RPS6KA2: variants seen among roughly 807,000 people sequenced by gnomAD.
RPS6KA2 encodes ribosomal protein S6 kinase A2.
In RPS6KA2, 42 loss-of-function variants were observed where a neutral mutation model predicts 91.8. That is an observed-to-expected ratio of 0.46 (90% CI 0.36 to 0.59). The LOEUF is 0.59. RPS6KA2 is among the 20% of genes least tolerant of loss of function. The pLI is 0.00. For missense variants in RPS6KA2, 798 were observed against 978.5 expected, an observed-to-expected ratio of 0.82 and a Z score of 2.46; for synonymous variants, 414 against 393.6, an observed-to-expected ratio of 1.05 and a Z score of -0.61.
At chr6:166,829,450 G>A (rs1780123994) in intron 2 of RPS6KA2, among the ~76,000 whole-genome samples, 1 of 151,962 alleles carries the variant, frequency 6.6e-6, no homozygotes, top group African/African-American at 2.4e-5. Flanking sequence ...AATTAGCCGG[G>A]TATGGTGGCG....
intron 10 of RPS6KA2, among the ~76,000 whole-genome samples, chr6:166,487,859 T>G (rs1481760413): frequency 6.6e-6 from 1 of 152,168 alleles, no homozygotes; most frequent in Non-Finnish European, 1.5e-5. Context: ...GACTGTGGAG[T>G]AGGAAGGTAC....
intron 2 of RPS6KA2, among the ~76,000 whole-genome samples, chr6:166,741,050 A>C (rs1437968062): frequency 6.6e-6 from 1 of 152,272 alleles, no homozygotes; most frequent in African/African-American, 2.4e-5. Flanking sequence ...CCAGATGAGG[A>C]GGTAATGCAG....
At chr6:166,778,002 C>T (rs1387488925) in intron 2 of RPS6KA2, among the ~76,000 whole-genome samples, 1 of 152,166 alleles carries the variant, frequency 6.6e-6, no homozygotes, top group East Asian at 1.9e-4. Flanking sequence ...CAAAGTCAAT[C>T]TGTAAATTTA....
chr6:166,522,209 T>C lies in RPS6KA2; in HGVS notation c.298+9023A>G, dbSNP rs189213949. Among the ~76,000 whole-genome samples the C allele has an allele frequency of 1.0e-3, 152 of 152,388 alleles. 1 individual carries two copies. Among genetic ancestry groups the C allele is most frequent in the South Asian group, 2.1e-3 (10 of 4,824 alleles). ...TAGCATACTGTTCTGTTCTGTTCTA[T>C]CTAGGTGATAATACAAAAGAAAATT... is the stretch of plus-strand genomic sequence containing the variant. On this transcript the variant is annotated intron_variant, in intron 3 of 20. Transcript: ENST00000265678.
At chr6:166,565,299 G>A (rs906247325) in intron 1 of RPS6KA2, among the ~76,000 whole-genome samples, 6 of 152,236 alleles carry the variant, frequency 3.9e-5, no homozygotes, top group Admixed American at 1.3e-4. Context: ...ACAGCGAGGC[G>A]GTGGGGGCTG....
intron 2 of RPS6KA2, among the ~76,000 whole-genome samples, chr6:166,699,354 CA>C (rs1789445000): frequency 1.3e-5 from 2 of 151,962 alleles, no homozygotes; most frequent in African/African-American, 4.8e-5. Flanking sequence ...AGAGAAGAGT[CA>C]AAGGTAAAAG....
chr6:166,672,335 G>A (rs866401189), intron 2 of RPS6KA2, among the ~76,000 whole-genome samples: 5 of 152,228 alleles, frequency 3.3e-5, no homozygotes, highest in Middle Eastern at 3.4e-3. Context: ...AAGGAAAGCC[G>A]GCAGATACTA....
chr6:166,768,073 C>T (rs1238522258), intron 2 of RPS6KA2, among the ~76,000 whole-genome samples: 2 of 152,322 alleles, frequency 1.3e-5, no homozygotes, highest in Middle Eastern at 3.4e-3. Flanking sequence ...CCCACCCAAT[C>T]GACAGATGAT....
At chr6:166,538,335 C>T (rs142177176) in intron 2 of RPS6KA2, among the ~76,000 whole-genome samples, 478 of 152,164 alleles carry the variant, frequency 3.1e-3, no homozygotes, top group African/African-American at 0.011. Context: ...GGGAAAACAG[C>T]TGCTAGAATG....
chr6:166,529,829 C>T (rs1177003766), intron 3 of RPS6KA2, among the ~76,000 whole-genome samples: 1 of 152,228 alleles, frequency 6.6e-6, no homozygotes, highest in African/African-American at 2.4e-5. Flanking sequence ...ACAGACAATT[C>T]TAATCAGGTC....
At chr6:166,640,887 TGAA>T (rs147005298) in intron 2 of RPS6KA2, among the ~76,000 whole-genome samples, 5,733 of 152,000 alleles carry the variant, frequency 0.038, 353 homozygotes, top group African/African-American at 0.13. Flanking sequence ...AACCTCACTG[TGAA>T]GAAGGAGGCT....
intron 2 of RPS6KA2, among the ~76,000 whole-genome samples, chr6:166,670,919 C>T (rs1161816498): frequency 1.3e-5 from 2 of 152,210 alleles, no homozygotes; most frequent in Non-Finnish European, 2.9e-5. Context: ...CTCCCAGGTT[C>T]AAGTGGTTCT....
At chr6:166,739,352 C>G (rs1283507711) in intron 2 of RPS6KA2, among the ~76,000 whole-genome samples, 1 of 152,200 alleles carries the variant, frequency 6.6e-6, no homozygotes, top group African/African-American at 2.4e-5. Flanking sequence ...AGGAAACCCT[C>G]TAGGTAAGGA....
At chr6:166,510,016 T>C (rs982777329) in intron 4 of RPS6KA2, among the ~76,000 whole-genome samples, 2 of 152,210 alleles carry the variant, frequency 1.3e-5, no homozygotes, top group Non-Finnish European at 2.9e-5. Flanking sequence ...ATCAATGGTA[T>C]GGTAATAATT....
intron 2 of RPS6KA2, among the ~76,000 whole-genome samples, chr6:166,700,500 A>G (rs533077686): frequency 6.6e-6 from 1 of 152,190 alleles, no homozygotes; most frequent in Non-Finnish European, 1.5e-5. Flanking sequence ...TCAAAAAAAA[A>G]AGAACAATTT....
intron 10 of RPS6KA2, among the ~76,000 whole-genome samples, chr6:166,473,374 T>C (rs1780844176): frequency 6.6e-6 from 1 of 152,106 alleles, no homozygotes; most frequent in African/African-American, 2.4e-5. Context: ...GTATTTTTTG[T>C]AGAGATGGGG....
chr6:166,525,754 C>T (rs1562556460), intron 3 of RPS6KA2, among the ~76,000 whole-genome samples: 1 of 152,224 alleles, frequency 6.6e-6, no homozygotes, highest in Admixed American at 6.5e-5. Context: ...CGGGGTTTTG[C>T]TGTCAGCAGG....
At position 166,603,460 on chromosome 6, in the gene RPS6KA2, G is replaced by C. The variant is rs1248670334; in HGVS notation, c.99+23461C>G. ...AGCCACACGGGAGATGGTGTGGGATGTGGGATCTGAAAGGCTTCATTTGGC... is the reference window on the plus strand; with the variant it reads ...AGCCACACGGGAGATGGTGTGGGATCTGGGATCTGAAAGGCTTCATTTGGC... On this transcript the variant is annotated intron_variant, in intron 1 of 20. Coordinates refer to ENST00000265678, the MANE Select transcript of RPS6KA2 (RefSeq NM_021135.6). The surrounding 1 kb of genome is among the most constrained non-coding windows in gnomAD (Gnocchi z 4.3). 1.3e-5 allele frequency among the ~76,000 whole-genome samples: 2 copies of C among 152,182 alleles called. No individual in the cohort carries two copies. The highest frequency in any genetic ancestry group is 6.5e-5 in the Admixed American group (1 of 15,286).
At chr6:166,548,851 TA>T (rs1783908707) in intron 1 of RPS6KA2, among the ~76,000 whole-genome samples, 1 of 152,212 alleles carries the variant, frequency 6.6e-6, no homozygotes. Context: ...CATCAAAATT[TA>T]AAGCTTTTGC....
Sources: allele counts gnomAD v4.1 joint callset (sites outside exome capture counted in the v4.1 genomes callset), GRCh38; gene constraint gnomAD v4.1.1; non-coding constraint Gnocchi (gnomAD v3.1); transcripts MANE v1.5; gene names NCBI Gene and HGNC (gene_info 2026-07-23, HGNC 2026-07-21).